Variants in IGSF10 observed in about 807,000 individuals in gnomAD.
The protein encoded by IGSF10 is calvaria mechanical force protein 608.
IGSF10 carries 126 observed loss-of-function variants against 128.2 expected under a neutral mutation model. The ratio of observed to expected loss-of-function variants is 0.98; its 90% CI spans 0.85 to 1.14. The LOEUF (loss-of-function observed/expected upper bound fraction) is 1.14, where lower values mean the gene tolerates loss of function less well. IGSF10 is among the 50% of genes most tolerant of loss of function. IGSF10 has a pLI of 0.00. For missense variants in IGSF10, 3,295 were observed against 3,149.8 expected (o/e 1.05, Z -1.10); for synonymous variants, 1,185 against 1,146.2 (o/e 1.03, Z -0.68).
At chr3:151,589,183 A>G in the IGSF10 span, among the ~76,000 whole-genome samples, 1 of 152,216 alleles carries the variant, frequency 6.6e-6, no homozygotes, top group African/African-American at 2.4e-5. Context: ...AGTTCTTTCT[A>G]GAAGCCTTGT....
At position 151,442,967 on chromosome 3, in the gene IGSF10, C is replaced by G. The variant is rs374643233; in HGVS notation, c.5963+17G>C. 4 of 1,594,344 alleles carry G rather than the reference C, an allele frequency of 2.5e-6. No homozygotes were observed. The highest frequency in any genetic ancestry group is 3.4e-6 in the Non-Finnish European group (4 of 1,169,584). On this transcript the variant is annotated intron_variant, in intron 7 of 7. Coordinates refer to ENST00000282466, the MANE Select transcript of IGSF10 (RefSeq NM_178822.5). ...ATACATAAAGCAGATAATTCCAACC[C>G]AAAGGTATAGACTTACCTATGCTGC... is the stretch of plus-strand genomic sequence containing the variant.
chr3:151,602,215 G>A, the IGSF10 span, among the ~76,000 whole-genome samples: 1 of 152,114 alleles, frequency 6.6e-6, no homozygotes, highest in African/African-American at 2.4e-5. Context: ...CTTCATAATA[G>A]AGCATTCGAT....
chr3:151,528,650 C>T, the IGSF10 span, among the ~76,000 whole-genome samples: 45 of 152,258 alleles, frequency 3.0e-4, no homozygotes, highest in African/African-American at 9.6e-4. Flanking sequence ...GAGACTGTAC[C>T]GGGAGGAATG....
chr3:151,594,265 C>T, the IGSF10 span, among the ~76,000 whole-genome samples: 12 of 150,986 alleles, frequency 7.9e-5, no homozygotes, highest in East Asian at 2.3e-3. Flanking sequence ...AATGTAATAG[C>T]AGCAGAGATT....
chr3:151,613,094 C>T, the IGSF10 span, among the ~76,000 whole-genome samples: 1 of 152,144 alleles, frequency 6.6e-6, no homozygotes, highest in East Asian at 1.9e-4. Context: ...TTCATAATTG[C>T]TTCAAAGAGA....
At chr3:151,498,076 G>A in the IGSF10 span, among the ~76,000 whole-genome samples, 1 of 152,166 alleles carries the variant, frequency 6.6e-6, no homozygotes, top group African/African-American at 2.4e-5. Context: ...ATTTTGGGCT[G>A]AGACAATGGG....
chr3:151,539,112 G>T, the IGSF10 span, among the ~76,000 whole-genome samples: 1 of 152,144 alleles, frequency 6.6e-6, no homozygotes, highest in Non-Finnish European at 1.5e-5. Flanking sequence ...TTTTGGTAAG[G>T]CTAGACCTGC....
chr3:151,545,572 C>T, the IGSF10 span, among the ~76,000 whole-genome samples: 4 of 152,194 alleles, frequency 2.6e-5, no homozygotes, highest in Non-Finnish European at 5.9e-5. Context: ...CTCTAAGTTT[C>T]CATAGGGAAA....
intron 7 of IGSF10, among the ~76,000 whole-genome samples, chr3:151,439,141 G>T (rs1354005518): frequency 3.9e-5 from 6 of 152,018 alleles, no homozygotes; most frequent in Non-Finnish European, 7.4e-5. Context: ...TAGAAATATG[G>T]GAGTTCTAGA....
the IGSF10 span, among the ~76,000 whole-genome samples, chr3:151,541,566 G>A: frequency 6.6e-6 from 1 of 152,090 alleles, no homozygotes; most frequent in African/African-American, 2.4e-5. Flanking sequence ...TATTCTTTTA[G>A]GAGGCTGATA....
chr3:151,440,074 A>C (rs1157880763), intron 7 of IGSF10, among the ~76,000 whole-genome samples: 1 of 152,176 alleles, frequency 6.6e-6, no homozygotes, highest in Admixed American at 6.5e-5. Flanking sequence ...TCTGGAGCCC[A>C]GGCTAGAGTG....
At chr3:151,521,886 A>G in the IGSF10 span, among the ~76,000 whole-genome samples, 1 of 152,032 alleles carries the variant, frequency 6.6e-6, no homozygotes. Flanking sequence ...ACTGAGATAC[A>G]AAAAACCATT....
At chr3:151,586,718 G>A in the IGSF10 span, among the ~76,000 whole-genome samples, 2 of 152,108 alleles carry the variant, frequency 1.3e-5, no homozygotes, top group Non-Finnish European at 2.9e-5. Flanking sequence ...GCAAATACCT[G>A]GGTCCTTGAT....
chr3:151,581,950 C>T, the IGSF10 span, among the ~76,000 whole-genome samples: 3 of 152,030 alleles, frequency 2.0e-5, no homozygotes, highest in East Asian at 1.9e-4. Flanking sequence ...CCTGTAATCC[C>T]AGCTACTTTG....
At chr3:151,598,844 T>G in the IGSF10 span, among the ~76,000 whole-genome samples, 1 of 152,342 alleles carries the variant, frequency 6.6e-6, no homozygotes, top group South Asian at 2.1e-4. Context: ...TGGGCTCATT[T>G]GTATTTAACA....
chr3:151,450,938 C>T (rs928845372), intron 5 of IGSF10, among the ~76,000 whole-genome samples: 20 of 151,342 alleles, frequency 1.3e-4, no homozygotes, highest in African/African-American at 4.9e-4. Context: ...CCCCATCACC[C>T]ACTTGCCAAC....
the IGSF10 span, among the ~76,000 whole-genome samples, chr3:151,476,485 C>T: frequency 2.6e-5 from 4 of 152,130 alleles, no homozygotes; most frequent in Non-Finnish European, 4.4e-5. Flanking sequence ...ACATTGTACC[C>T]GGATGGCCTC....
the IGSF10 span, among the ~76,000 whole-genome samples, chr3:151,524,787 A>T: frequency 0.013 from 1,937 of 152,180 alleles, 17 homozygotes; most frequent in South Asian, 0.031. Flanking sequence ...TTAAAAATAC[A>T]TAAATAGATA....
At position 151,443,093 on chromosome 3, in the gene IGSF10, C is replaced by T. The variant is rs1332028162; in HGVS notation, c.5854G>A (p.Glu1952Lys). 1 of 1,614,256 alleles carries T rather than the reference C, an allele frequency of 6.2e-7. No homozygotes were observed. Among genetic ancestry groups the T allele is most frequent in the Admixed American group, 1.7e-5 (1 of 60,030 alleles). Residue 1952 changes from glutamate to lysine, a missense_variant, in exon 7 of 8, where the codon GAA (glutamate) becomes AAA (lysine). Transcript: ENST00000282466. ...RIEAASQKRTEVNFGDKLLLN... is the reference protein window; with the variant it reads ...RIEAASQKRTKVNFGDKLLLN... ...AGTAATTTGTCCCCAAAATTCACTT[C>T]AGTCCTTTTCTGGGATGCAGCTTCT...
Sources: allele counts gnomAD v4.1 joint callset (sites outside exome capture counted in the v4.1 genomes callset), GRCh38; gene constraint gnomAD v4.1.1; transcripts MANE v1.5; gene names NCBI Gene and HGNC (gene_info 2026-07-23, HGNC 2026-07-21).